REG1A: variants seen among roughly 807,000 people sequenced by gnomAD.
REG1A encodes lithostathine-1-alpha.
Under a neutral mutation model 20.7 loss-of-function variants are expected in REG1A, and 20 were observed. The observed-to-expected ratio is 0.97, with a 90% CI of 0.68 to 1.41. REG1A has a LOEUF of 1.41. Among genes scored for constraint, REG1A ranks in the 40% most tolerant of loss-of-function variants. The probability of loss-of-function intolerance (pLI) is 0.00; values close to 1 mark genes in which losing one functional copy is unlikely to be tolerated. For synonymous variants in REG1A, 90 were observed against 71.6 expected, an observed-to-expected ratio of 1.26 and a Z score of -1.30; for missense variants, 193 against 201.8, an observed-to-expected ratio of 0.96 and a Z score of 0.26.
In REG1A at chr2:79,121,984, A is replaced by G. The variant is rs1469820541; in HGVS notation, c.184-4A>G. The G allele has an allele frequency of 1.2e-6, 2 of 1,613,626 alleles. No homozygotes were observed. Among genetic ancestry groups the G allele is most frequent in the Non-Finnish European group, 8.5e-7 (1 of 1,179,826 alleles). Reference sequence around the variant, plus strand: ...ACTGAGTGCTCCATTTTCTTCTGCAACAGCTCTATTGCCAGAACATGAATT... The same window carrying G: ...ACTGAGTGCTCCATTTTCTTCTGCAGCAGCTCTATTGCCAGAACATGAATT... On this transcript the variant is annotated splice_region_variant and splice_polypyrimidine_tract_variant and intron_variant, in intron 3 of 5. Coordinates refer to ENST00000233735, the MANE Select transcript of REG1A (RefSeq NM_002909.5).
intron 3 of REG1A, 122 bp from the exon 4 acceptor site, chr2:79,121,866 C>A: frequency 7.0e-7 from 1 of 1,426,272 alleles, no homozygotes; most frequent in Non-Finnish European, 9.8e-7. Flanking sequence ...ACCTGGTGGT[C>A]AGTGACAGCA....
intron 2 of REG1A, 23 bp downstream of exon 2, chr2:79,120,948 C>A (rs754831273): frequency 1.2e-6 from 2 of 1,603,372 alleles, no homozygotes; most frequent in South Asian, 1.1e-5. Context: ...TTCCACCAAC[C>A]AACTCTTTCT....
At position 79,123,254 on chromosome 2, in the gene REG1A, A is replaced by G. The variant is rs761243608; in HGVS notation, c.*39A>G. ...ATACATGTCTAGAACTGATCCAGCA[A>G]TTACAACGGAGTCAAAAATTAAACC... is the stretch of plus-strand genomic sequence containing the variant. On this transcript the variant is annotated 3_prime_UTR_variant, in exon 6 of 6. Coordinates refer to ENST00000233735, the MANE Select transcript of REG1A (RefSeq NM_002909.5). The G allele has an allele frequency of 4.8e-5, 64 of 1,340,640 alleles. No individual in the cohort carries two copies. Among genetic ancestry groups the G allele is most frequent in the Non-Finnish European group, 6.0e-5 (57 of 947,598 alleles). 83.0% of individuals were successfully genotyped at this position (1,340,640 alleles called of 1,614,324 possible).
rs372856819 is a variant in REG1A, at chr2:79,121,110, G to T, written c.64+185G>T. On this transcript the variant is annotated intron_variant, in intron 2 of 5. Coordinates refer to ENST00000233735, the MANE Select transcript of REG1A (RefSeq NM_002909.5). ...ATATACATCCACACCTCATTAAGGA[G>T]TTGGAGCTAGAATTTAAAATGACCC... 1.6e-4 allele frequency among the ~76,000 whole-genome samples: 24 copies of T among 152,148 alleles called. No individual in the cohort carries two copies. The South Asian group carries it at 5.0e-3, about 32-fold the overall frequency.
intron 4 of REG1A, 49 bp downstream of exon 4, chr2:79,122,174 G>A: frequency 1.9e-6 from 3 of 1,591,502 alleles, no homozygotes; most frequent in South Asian, 1.1e-5. Context: ...TGAGAAGTAA[G>A]AAGGAGGTTC....
At chr2:79,123,015 C>T (rs943362990) in intron 5 of REG1A, 63 bp downstream of exon 5, 2 of 1,494,676 alleles carry the variant, frequency 1.3e-6, no homozygotes, top group South Asian at 1.1e-5. Flanking sequence ...AGGGATGGAA[C>T]TGGGACTGGG....
Position 79,123,299 on chromosome 2 carries a change from A to C in REG1A, c.*84A>C, listed in dbSNP as rs1672916139. ...TAAACCGGACCATCTCTCCAACTCA[A>C]CTCAACCTGGACACTCTCTTCTCTG... On this transcript the variant is annotated 3_prime_UTR_variant, in exon 6 of 6. Transcript: ENST00000233735. The C allele has an allele frequency of 8.6e-6, 7 of 810,396 alleles. No homozygotes were observed. The highest frequency in any genetic ancestry group is 2.3e-4 in the Middle Eastern group (1 of 4,294). 50.2% of individuals were successfully genotyped at this position (810,396 alleles called of 1,614,324 possible). A position where few individuals can be genotyped will look rare whatever the true frequency, so the allele number is the denominator to read the frequency against.
At chr2:79,122,622 T>C (rs978494193) in intron 4 of REG1A, among the ~76,000 whole-genome samples, 1 of 152,120 alleles carries the variant, frequency 6.6e-6, no homozygotes, top group Non-Finnish European at 1.5e-5. Context: ...ACTTTGGGTC[T>C]CTGTCAAATT....
At chr2:79,121,912 C>A in intron 3 of REG1A, 76 bp from the exon 4 acceptor site, 4 of 1,574,334 alleles carry the variant, frequency 2.5e-6, no homozygotes, top group Middle Eastern at 1.7e-4. Context: ...CTTTTTCTGA[C>A]CCGTCCTCTT....
In REG1A at chr2:79,122,954, T is replaced by A. The variant is rs1471058736; in HGVS notation, c.433+2T>A. The A allele has an allele frequency of 5.0e-6, 8 of 1,611,528 alleles. No homozygotes were observed. The highest frequency in any genetic ancestry group is 5.9e-6 in the Non-Finnish European group (7 of 1,177,714). Reference sequence around the variant, plus strand: ...GTGTGAGCCTGACCTCAAGCACAGGTGAGAGGCAGAGAATCCATCCACCTG... The same window carrying A: ...GTGTGAGCCTGACCTCAAGCACAGGAGAGAGGCAGAGAATCCATCCACCTG... On this transcript the variant is annotated splice_donor_variant, in intron 5 of 5. Coordinates refer to ENST00000233735, the MANE Select transcript of REG1A (RefSeq NM_002909.5). LOFTEE classifies it high-confidence loss of function.
chr2:79,121,919 T>A lies in REG1A; in HGVS notation c.184-69T>A, dbSNP rs1334165336. ...CTGCTGTCCTTTTTCTGACCCGTCC[T>A]CTTGGAGGACTCAGTATATCCGTCA... On this transcript the variant is annotated intron_variant, in intron 3 of 5. Coordinates refer to ENST00000233735, the MANE Select transcript of REG1A (RefSeq NM_002909.5). 6 of 1,590,418 alleles carry A rather than the reference T, an allele frequency of 3.8e-6. No homozygotes were observed. In the African/African-American group the frequency reaches 6.7e-5, roughly 18 times the overall value.
intron 4 of REG1A, among the ~76,000 whole-genome samples, chr2:79,122,521 A>G (rs966871537): frequency 2.0e-5 from 3 of 152,140 alleles, no homozygotes; most frequent in Non-Finnish European, 4.4e-5. Flanking sequence ...AATATAATAT[A>G]TCAACAACTA....
intron 1 of REG1A, 59 bp downstream of exon 1, chr2:79,120,573 C>T (rs151336522): frequency 3.0e-5 from 10 of 328,236 alleles, no homozygotes; most frequent in East Asian, 4.7e-5. Flanking sequence ...CTAAAATCTT[C>T]GGGAAGATAC....
intron 4 of REG1A, 162 bp downstream of exon 4, chr2:79,122,287 G>A (rs986500417): frequency 1.3e-5 from 9 of 672,354 alleles, no homozygotes; most frequent in Non-Finnish European, 2.2e-5. Flanking sequence ...TAGATGATTG[G>A]AGATATAAGT....
chr2:79,121,501 C>G, intron 2 of REG1A, 61 bp from the exon 3 acceptor site: 2 of 1,353,316 alleles, frequency 1.5e-6, no homozygotes, highest in Non-Finnish European at 2.1e-6. Flanking sequence ...GAAGCTCTTA[C>G]CTCACCTTCA....
intron 4 of REG1A, among the ~76,000 whole-genome samples, chr2:79,122,634 A>G (rs1331002032): frequency 6.6e-6 from 1 of 152,234 alleles, no homozygotes; most frequent in Middle Eastern, 3.2e-3. Context: ...TGTCAAATTC[A>G]TAACACTTAT....
chr2:79,121,755 G>A, intron 3 of REG1A, 75 bp downstream of exon 3: 4 of 1,438,390 alleles, frequency 2.8e-6, no homozygotes, highest in Non-Finnish European at 3.9e-6. Context: ...TGTGTTCAGT[G>A]GCTGCAATGA....
At chr2:79,121,834 C>G (rs2104064086) in intron 3 of REG1A, 154 bp downstream of exon 3, 1 of 1,335,600 alleles carries the variant, frequency 7.5e-7, no homozygotes, top group East Asian at 2.3e-5. Context: ...TCCCATTATT[C>G]AGCACATTCC....
chr2:79,121,824 T>C (rs1031113399), intron 3 of REG1A, 144 bp downstream of exon 3: 2 of 1,327,654 alleles, frequency 1.5e-6, no homozygotes, highest in Non-Finnish European at 2.2e-6. Context: ...ATCTACTTTA[T>C]CCCATTATTC....
Sources: gnomAD v4.1 joint callset for allele counts (sites outside exome capture counted in the v4.1 genomes callset) on GRCh38, gnomAD v4.1.1 for gene constraint, MANE v1.5 for transcripts, NCBI Gene and HGNC (gene_info 2026-07-23, HGNC 2026-07-21) for gene names.